Variants in SHPRH observed in about 807,000 individuals in gnomAD.
The protein encoded by SHPRH is SNF2 histone linker PHD RING helicase, also known as E3 ubiquitin-protein ligase SHPRH.
In SHPRH, 106 loss-of-function variants were observed where a neutral mutation model predicts 202.5. That is an observed-to-expected ratio of 0.52 (90% CI 0.45 to 0.62). The LOEUF is 0.62. SHPRH is among the 20% of genes least tolerant of loss of function. The pLI, the probability that SHPRH is intolerant of heterozygous loss-of-function variation, is 0.00. For synonymous variants in SHPRH, 729 were observed against 686.0 expected, an observed-to-expected ratio of 1.06 and a Z score of -0.98; for missense variants, 1,710 against 2,020.0, an observed-to-expected ratio of 0.85 and a Z score of 2.94.
chr6:145,918,051 C>T lies in SHPRH; in HGVS notation c.4254+80G>A, dbSNP rs1784105925. On this transcript the variant is annotated intron_variant, in intron 23 of 29. Coordinates refer to ENST00000275233, the MANE Select transcript of SHPRH (RefSeq NM_001042683.3). ...CAAATACTAATTACAACAATTTGCA[C>T]CATTAATTATGAAAGGAGTCACTAA... 3.9e-6 allele frequency: 4 copies of T among 1,017,966 alleles called. No homozygotes were observed. The East Asian group carries it at 1.0e-4, about 27-fold the overall frequency. 63.1% of individuals were successfully genotyped at this position (1,017,966 alleles called of 1,614,324 possible).
At chr6:145,916,720 T>C (rs1783987587) in intron 23 of SHPRH, among the ~76,000 whole-genome samples, 1 of 152,168 alleles carries the variant, frequency 6.6e-6, no homozygotes, top group Non-Finnish European at 1.5e-5. Flanking sequence ...TTGACTATCA[T>C]ATTTAAAGTA....
Position 145,952,348 on chromosome 6 carries a change from C to A in SHPRH, c.763+1G>T. The A allele has an allele frequency of 6.3e-7, 1 of 1,591,048 alleles. No individual in the cohort carries two copies. Among genetic ancestry groups the A allele is most frequent in the Non-Finnish European group, 8.6e-7 (1 of 1,169,104 alleles). On this transcript the variant is annotated splice_donor_variant, in intron 3 of 29. Coordinates refer to ENST00000275233, the MANE Select transcript of SHPRH (RefSeq NM_001042683.3). LOFTEE classifies it high-confidence loss of function. ...ATTTTTAAGTTTACTGTAAATATTA[C>A]CTGGAATAATAGAATTGTGTAACTT...
chr6:145,867,598 GAA>G (rs1779833845), intron 2 of SHPRH, among the ~76,000 whole-genome samples: 1 of 13,788 alleles, frequency 7.3e-5, no homozygotes, highest in South Asian at 2.7e-3. Flanking sequence ...CTTCAAAAAA[GAA>G]TATATATATA....
intron 22 of SHPRH, 158 bp downstream of exon 22, chr6:145,919,190 G>A (rs896239434): frequency 3.1e-6 from 3 of 983,180 alleles, no homozygotes; most frequent in Non-Finnish European, 1.5e-6. Context: ...GACCATTTTT[G>A]GTCTATAAAG....
chr6:145,929,397 GTATT>G (rs1358995078), intron 14 of SHPRH, among the ~76,000 whole-genome samples: 4 of 152,058 alleles, frequency 2.6e-5, no homozygotes, highest in South Asian at 4.1e-4. Flanking sequence ...TGTATCATAC[GTATT>G]TATTTACATA....
intron 11 of SHPRH, among the ~76,000 whole-genome samples, chr6:145,939,522 A>C (rs1786506311): frequency 6.6e-6 from 1 of 152,166 alleles, no homozygotes; most frequent in Admixed American, 6.5e-5. Context: ...ATTATTGCTC[A>C]TACTCTCTCA....
intron 24 of SHPRH, among the ~76,000 whole-genome samples, chr6:145,911,877 C>T (rs1466118017): frequency 6.6e-6 from 1 of 152,044 alleles, no homozygotes. Flanking sequence ...TCTAGCTGCA[C>T]CTCTGCCAGA....
At chr6:145,865,412 C>T (rs1214284501) in intron 2 of SHPRH, among the ~76,000 whole-genome samples, 1 of 152,234 alleles carries the variant, frequency 6.6e-6, no homozygotes, top group Non-Finnish European at 1.5e-5. Context: ...AACCATGTGA[C>T]ATCCTGATCT....
At chr6:145,923,814 A>C in intron 17 of SHPRH, 29 bp from the exon 18 acceptor site, 4 of 1,598,362 alleles carry the variant, frequency 2.5e-6, no homozygotes, top group Non-Finnish European at 3.4e-6. Context: ...TTAATCAATT[A>C]ATACATTTTT....
chr6:145,936,430 A>G (rs914153042), intron 11 of SHPRH, among the ~76,000 whole-genome samples: 1 of 152,078 alleles, frequency 6.6e-6, no homozygotes, highest in Non-Finnish European at 1.5e-5. Flanking sequence ...CCTGGGCTCA[A>G]GTGATCCTAC....
chr6:145,945,701 GTTAATC>G (rs777760854), intron 7 of SHPRH, 64 bp from the exon 8 acceptor site: 2 of 1,480,642 alleles, frequency 1.4e-6, no homozygotes, highest in Non-Finnish European at 1.8e-6. Flanking sequence ...GTAAAACTTG[GTTAATC>G]TTAATCTGCA....
At position 145,925,341 on chromosome 6, in the gene SHPRH, T is replaced by TACACACACACACAC. The variant is rs10631165; in HGVS notation, c.3295-509_3295-496dup. The stretch of plus-strand genomic sequence containing the variant: ...GAAAGTAGATTTTAAATGTTCTCAC[T>TACACACACACACAC]ACACACACACACACACACACACACA... On this transcript the variant is annotated intron_variant, in intron 16 of 29. Coordinates refer to ENST00000275233, the MANE Select transcript of SHPRH (RefSeq NM_001042683.3). Among the ~76,000 whole-genome samples the TACACACACACACAC allele has an allele frequency of 4.3e-3, 625 of 145,370 alleles. 3 individuals carry two copies. The highest frequency in any genetic ancestry group is 7.2e-3 in the African/African-American group (286 of 39,492).
Position 145,955,090 on chromosome 6 carries a change from C to T in SHPRH, c.233G>A (p.Ser78Asn), listed in dbSNP as rs775334176. The T allele has an allele frequency of 1.2e-6, 2 of 1,613,406 alleles. No individual in the cohort carries two copies. Among genetic ancestry groups the T allele is most frequent in the Non-Finnish European group, 1.7e-6 (2 of 1,179,934 alleles). The change falls in exon 2 of 30, where the codon AGC (serine) becomes AAC (asparagine). Residue 78 changes from serine (S) to asparagine (N), a missense_variant. By Grantham distance (46) the Ser-to-Asn change is conservative (BLOSUM62 1). Transcript: ENST00000275233. The part of the protein sequence containing the change: ...RDKKRCSKVV[S>N]FSKPIEKEET... ...TTCTTTTTCAATTGGTTTTGAGAAG[C>T]TCACCACTTTTGAACACCTCTTCTT...
chr6:145,877,433 A>C (rs1780352182), intron 2 of SHPRH, among the ~76,000 whole-genome samples: 1 of 152,202 alleles, frequency 6.6e-6, no homozygotes, highest in South Asian at 2.1e-4. Context: ...ATGGATCCTC[A>C]TCAGATGGCT....
At chr6:145,944,675 T>C (rs963070922) in intron 8 of SHPRH, among the ~76,000 whole-genome samples, 2 of 152,152 alleles carry the variant, frequency 1.3e-5, no homozygotes, top group Admixed American at 6.5e-5. Context: ...TTTTTCTTGG[T>C]GGCCGAGCTG....
chr6:145,894,340 GAAAAT>G (rs1781820642), intron 26 of SHPRH, 104 bp from the exon 27 acceptor site: 2 of 791,234 alleles, frequency 2.5e-6, no homozygotes, highest in Admixed American at 4.1e-5. Context: ...CTGGAGTTAA[GAAAAT>G]AAAACCAAAA....
rs1167422256 is a variant in SHPRH at position 145,892,924 on chromosome 6, T to G, written c.4874+291A>C. On this transcript the variant is annotated intron_variant, in intron 28 of 29. Transcript: ENST00000275233. ...GCTGTCTTAAGTATTTCTAACAAGCTTTTTTTTGGATAAAGTGATAAGGTT... is the reference window on the plus strand; with the variant it reads ...GCTGTCTTAAGTATTTCTAACAAGCGTTTTTTTGGATAAAGTGATAAGGTT... Among the ~76,000 whole-genome samples the G allele has an allele frequency of 2.6e-5, 4 of 151,664 alleles. No individual in the cohort carries two copies. The South Asian group carries it at 8.3e-4, about 32-fold the overall frequency.
chr6:145,906,391 C>T (rs1782960969), intron 25 of SHPRH: 2 of 152,102 alleles, frequency 1.3e-5, no homozygotes, highest in South Asian at 4.1e-4. Flanking sequence ...ATCTGGCAGG[C>T]CTGTCCTCTC....
chr6:145,959,495 G>C (rs915484880), intron 1 of SHPRH, among the ~76,000 whole-genome samples: 1 of 127,152 alleles, frequency 7.9e-6, no homozygotes, highest in Non-Finnish European at 1.6e-5. Context: ...GTACCACCTA[G>C]GTTTGTGTAA....
Sources: gnomAD v4.1 joint callset for allele counts (sites outside exome capture counted in the v4.1 genomes callset) on GRCh38, gnomAD v4.1.1 for gene constraint, MANE v1.5 for transcripts, NCBI Gene and HGNC (gene_info 2026-07-23, HGNC 2026-07-21) for gene names.